The following KPNA3 variants were observed in gnomAD, a reference collection of about 807,000 sequenced individuals.
The protein encoded by KPNA3 is importin subunit alpha-4.
Under a neutral mutation model 73.8 loss-of-function variants are expected in KPNA3, and 13 were observed. That is an observed-to-expected ratio of 0.18 (90% CI 0.11 to 0.28). The LOEUF (loss-of-function observed/expected upper bound fraction) is 0.28, where lower values mean the gene tolerates loss of function less well. Among genes scored for constraint, KPNA3 ranks in the 10% least tolerant of loss-of-function variants. The pLI, the probability that KPNA3 is intolerant of heterozygous loss-of-function variation, is 1.00. For missense variants in KPNA3, 360 were observed against 618.1 expected, an observed-to-expected ratio of 0.58 and a Z score of 4.43; for synonymous variants, 186 against 206.9, an observed-to-expected ratio of 0.90 and a Z score of 0.87.
chr13:49,764,259 G>T (rs1246667952), intron 1 of KPNA3, among the ~76,000 whole-genome samples: 1 of 151,886 alleles, frequency 6.6e-6, no homozygotes. Flanking sequence ...TTAACTCTGG[G>T]TTGTTTCAAT....
chr13:49,741,907 A>G (rs867133909), intron 2 of KPNA3, among the ~76,000 whole-genome samples: 1 of 152,162 alleles, frequency 6.6e-6, no homozygotes, highest in African/African-American at 2.4e-5. Flanking sequence ...ATATAATTGC[A>G]TCTGTCTATT....
chr13:49,767,191 C>A (rs961189971), intron 1 of KPNA3, among the ~76,000 whole-genome samples: 1 of 151,444 alleles, frequency 6.6e-6, no homozygotes, highest in Non-Finnish European at 1.5e-5. Context: ...CCGAGGTGGG[C>A]GGATCACTTG....
intron 9 of KPNA3, among the ~76,000 whole-genome samples, chr13:49,721,312 C>T (rs971565640): frequency 1.3e-5 from 2 of 152,070 alleles, no homozygotes; most frequent in Non-Finnish European, 2.9e-5. Context: ...CTGTAGCAAC[C>T]CCCTTTTATA....
At chr13:49,739,150 G>A (rs1159680462) in intron 2 of KPNA3, among the ~76,000 whole-genome samples, 2 of 152,174 alleles carry the variant, frequency 1.3e-5, no homozygotes, top group African/African-American at 4.8e-5. Context: ...AGCAAGTGGG[G>A]CACTTGGGTG....
At chr13:49,783,038 G>A (rs1954954052) in intron 1 of KPNA3, among the ~76,000 whole-genome samples, 1 of 152,124 alleles carries the variant, frequency 6.6e-6, no homozygotes, top group Non-Finnish European at 1.5e-5. Flanking sequence ...AAATTAAGAA[G>A]AGCAAAAACT....
At chr13:49,773,658 T>G (rs1265683278) in intron 1 of KPNA3, among the ~76,000 whole-genome samples, 2 of 152,230 alleles carry the variant, frequency 1.3e-5, no homozygotes, top group Non-Finnish European at 2.9e-5. Flanking sequence ...GTCCATTTTA[T>G]GTTCCAATGA....
intron 1 of KPNA3, among the ~76,000 whole-genome samples, chr13:49,762,885 AAAAT>A (rs769345199): frequency 1.2e-3 from 185 of 149,646 alleles, no homozygotes; most frequent in African/African-American, 3.9e-3. Context: ...TTAAATTAAA[AAAAT>A]AAATAAATAA....
At chr13:49,738,098 G>A (rs1954541287) in intron 2 of KPNA3, among the ~76,000 whole-genome samples, 1 of 151,948 alleles carries the variant, frequency 6.6e-6, no homozygotes, top group Admixed American at 6.6e-5. Flanking sequence ...GTGAAGTTTA[G>A]GCTCATCATT....
chr13:49,708,197 G>T (rs1954226052), intron 12 of KPNA3, among the ~76,000 whole-genome samples: 1 of 151,896 alleles, frequency 6.6e-6, no homozygotes, highest in Non-Finnish European at 1.5e-5. Flanking sequence ...GGGTTTCACT[G>T]TGTTAGCCAG....
At chr13:49,725,605 T>A (rs1451802446) in intron 6 of KPNA3, 104 bp from the exon 7 acceptor site, 7 of 665,114 alleles carry the variant, frequency 1.1e-5, no homozygotes, top group Non-Finnish European at 1.4e-5. Context: ...TGTCCTTGAA[T>A]TTCACCTTGT....
intron 6 of KPNA3, among the ~76,000 whole-genome samples, chr13:49,727,961 CAT>C (rs1451747502): frequency 3.3e-5 from 5 of 152,150 alleles, no homozygotes; most frequent in African/African-American, 1.2e-4. Flanking sequence ...GTCGGCCGGG[CAT>C]GGTGGCTCAC....
rs1396125196 is a variant in KPNA3 at position 49,734,912 on chromosome 13, T to TAC, written c.115-1867_115-1866insGT. Among the ~76,000 whole-genome samples, 32 of 139,278 alleles carry TAC rather than the reference T, an allele frequency of 2.3e-4. No homozygotes were observed. The South Asian group carries it at 5.2e-3, about 23-fold the overall frequency. 91.4% of individuals were successfully genotyped at this position (139,278 alleles called of 152,430 possible). A position where few individuals can be genotyped will look rare whatever the true frequency, so the allele number is the denominator to read the frequency against. ...CAAATTTTGACTTTATATATATATATATACACACACATATATATATATATA... is the reference window on the plus strand; with the variant it reads ...CAAATTTTGACTTTATATATATATATACATACACACACATATATATATATATA... On this transcript the variant is annotated intron_variant, in intron 2 of 16. Coordinates refer to ENST00000261667, the MANE Select transcript of KPNA3 (RefSeq NM_002267.4).
At chr13:49,776,456 T>G (rs1954898914) in intron 1 of KPNA3, among the ~76,000 whole-genome samples, 1 of 152,214 alleles carries the variant, frequency 6.6e-6, no homozygotes, top group African/African-American at 2.4e-5. Context: ...ATTTTATCAT[T>G]AAATAGTATG....
intron 1 of KPNA3, among the ~76,000 whole-genome samples, chr13:49,789,052 C>T (rs1325280076): frequency 6.6e-6 from 1 of 152,198 alleles, no homozygotes; most frequent in African/African-American, 2.4e-5. Context: ...GATCAGACAA[C>T]AGCGCTATTT....
chr13:49,709,581 C>T lies in KPNA3; in HGVS notation c.1023G>A (p.Lys341=), dbSNP rs1265971300. The T allele has an allele frequency of 6.2e-7, 1 of 1,612,422 alleles. No homozygotes were observed. The highest frequency in any genetic ancestry group is 1.7e-5 in the Admixed American group (1 of 59,852). The change falls in exon 12 of 17, where the codon AAG becomes AAA. Residue 341 remains lysine (K), a synonymous_variant. Transcript: ENST00000261667. The part of the protein sequence containing the change: ...FPNLLSHPKE[K]INKEAVWFLS... The stretch of plus-strand genomic sequence containing the variant: ...ACATTATATGCCTTACCTTATTTAT[C>T]TTCTCTTTTGGGTGTGATAAGAGAT...
In KPNA3 at chr13:49,719,202, C is replaced by T. The variant is rs1954332637; in HGVS notation, c.771+573G>A. Among the ~76,000 whole-genome samples, 2 of 152,032 alleles carry T rather than the reference C, an allele frequency of 1.3e-5. 1 individual carries two copies. The highest frequency in any genetic ancestry group is 1.3e-4 in the Admixed American group (2 of 15,272). On this transcript the variant is annotated intron_variant, in intron 10 of 16. Coordinates refer to ENST00000261667, the MANE Select transcript of KPNA3 (RefSeq NM_002267.4). ...TCTGAATATAATGAAAAAAAATCAC[C>T]TAAAAATGCCTTGCATTTAAAACTA...
chr13:49,752,915 T>C (rs556388534), intron 1 of KPNA3, among the ~76,000 whole-genome samples: 1 of 149,282 alleles, frequency 6.7e-6, no homozygotes, highest in African/African-American at 2.5e-5. Context: ...TAGTCCCAGC[T>C]ACTCGGGAGG....
intron 6 of KPNA3, 139 bp downstream of exon 6, chr13:49,732,232 A>G: frequency 4.4e-6 from 2 of 450,916 alleles, no homozygotes; most frequent in Non-Finnish European, 8.0e-6. Flanking sequence ...TGATCACAGA[A>G]TAAGAAAATT....
At chr13:49,704,473 AT>A (rs1954186873) in intron 15 of KPNA3, among the ~76,000 whole-genome samples, 4 of 109,616 alleles carry the variant, frequency 3.6e-5, no homozygotes, top group African/African-American at 1.2e-4. Flanking sequence ...AAATAAATAA[AT>A]AAATAAATAG....
Sources: allele counts gnomAD v4.1 joint callset (sites outside exome capture counted in the v4.1 genomes callset), GRCh38; gene constraint gnomAD v4.1.1; transcripts MANE v1.5; gene names NCBI Gene and HGNC (gene_info 2026-07-23, HGNC 2026-07-21).